CHL1: variants seen among roughly 807,000 people sequenced by gnomAD.
CHL1 encodes the protein cell adhesion molecule L1 like.
In CHL1, 96 loss-of-function variants were observed where a neutral mutation model predicts 141.9. The ratio of observed to expected loss-of-function variants is 0.68; its 90% CI spans 0.57 to 0.80. The LOEUF is 0.80. Among genes scored for constraint, CHL1 ranks in the 30% least tolerant of loss-of-function variants. CHL1 has a pLI of 0.00. For missense variants in CHL1, 1,820 were observed against 1,457.2 expected (o/e 1.25, Z -4.05); for synonymous variants, 613 against 502.2 (o/e 1.22, Z -2.95).
intron 2 of CHL1, among the ~76,000 whole-genome samples, chr3:249,577 C>T (rs1422626701): frequency 6.6e-6 from 1 of 152,118 alleles, no homozygotes; most frequent in Non-Finnish European, 1.5e-5. Context: ...GCTTAAGTAA[C>T]TTATTTGCAA....
intron 3 of CHL1, among the ~76,000 whole-genome samples, chr3:322,257 C>T (rs1240196404): frequency 6.6e-6 from 1 of 151,612 alleles, no homozygotes; most frequent in East Asian, 1.9e-4. Context: ...ATATCCATAA[C>T]CTGGTAAAAC....
intron 2 of CHL1, among the ~76,000 whole-genome samples, chr3:296,463 T>TA (rs1423014002): frequency 1.3e-5 from 2 of 151,508 alleles, no homozygotes; most frequent in African/African-American, 4.9e-5. Flanking sequence ...TAATCACTTC[T>TA]TTATTATTTG....
chr3:391,288 G>A, intron 22 of CHL1, 129 bp downstream of exon 22: 1 of 706,232 alleles, frequency 1.4e-6, no homozygotes. Context: ...GGCCAAGGCA[G>A]ATGGATCACT....
At chr3:261,855 T>C (rs1353331377) in intron 2 of CHL1, among the ~76,000 whole-genome samples, 2 of 152,080 alleles carry the variant, frequency 1.3e-5, no homozygotes, top group African/African-American at 4.8e-5. Context: ...AATTGAACAA[T>C]ATATGTTCTT....
intron 27 of CHL1, 59 bp downstream of exon 27, chr3:401,757 T>C: frequency 1.0e-6 from 1 of 1,001,896 alleles, no homozygotes; most frequent in Non-Finnish European, 1.5e-6. Context: ...AAAGCTTAAG[T>C]GAACAAAAAG....
chr3:276,403 T>C (rs151062217), intron 2 of CHL1, among the ~76,000 whole-genome samples: 1 of 152,332 alleles, frequency 6.6e-6, no homozygotes, highest in Admixed American at 6.5e-5. Flanking sequence ...CTGCAGAGTT[T>C]AGCCTGTTTG....
intron 3 of CHL1, among the ~76,000 whole-genome samples, chr3:323,758 G>T (rs28433560): frequency 6.6e-6 from 1 of 152,024 alleles, no homozygotes; most frequent in Admixed American, 6.6e-5. Flanking sequence ...CTAGCCACTC[G>T]AAAGGCTGAG....
intron 2 of CHL1, among the ~76,000 whole-genome samples, chr3:272,325 T>C (rs1463537851): frequency 6.6e-6 from 1 of 152,232 alleles, no homozygotes; most frequent in African/African-American, 2.4e-5. Flanking sequence ...CCTGTCATTA[T>C]GGTATACTTT....
In CHL1 at chr3:382,548, A is replaced by C. The variant is rs773695932; in HGVS notation, c.2053A>C (p.Lys685Gln). ...WEELTRVQGKKTTVILPLAPF... is the reference protein window; with the variant it reads ...WEELTRVQGKQTTVILPLAPF... ...GGAACTGACCAGAGTCCAAGGAAAGAAAACCACAGTTATCTTACCTTTGGC... is the reference window on the plus strand; with the variant it reads ...GGAACTGACCAGAGTCCAAGGAAAGCAAACCACAGTTATCTTACCTTTGGC... Residue 685 changes from lysine to glutamine, a missense_variant, in exon 18 of 28, where the codon AAA becomes CAA. Lys to Gln is a moderately conservative substitution (Grantham distance 53). Coordinates refer to ENST00000256509, the MANE Select transcript of CHL1 (RefSeq NM_006614.4). 6.2e-7 allele frequency: 1 copy of C among 1,613,982 alleles called. No individual in the cohort carries two copies. The highest frequency in any genetic ancestry group is 8.5e-7 in the Non-Finnish European group (1 of 1,179,878).
intron 27 of CHL1, among the ~76,000 whole-genome samples, 171 bp downstream of exon 27, chr3:401,869 CTG>C (rs1709168441): frequency 6.6e-6 from 1 of 152,168 alleles, no homozygotes; most frequent in East Asian, 1.9e-4. Context: ...AACCAAATTT[CTG>C]TGTGTGTGAT....
At chr3:297,609 G>C (rs950966619) in intron 2 of CHL1, among the ~76,000 whole-genome samples, 1 of 152,152 alleles carries the variant, frequency 6.6e-6, no homozygotes, top group Non-Finnish European at 1.5e-5. Context: ...ACCGTGAAGA[G>C]AGAACAAAGC....
At chr3:387,194 T>C (rs1372202550) in intron 19 of CHL1, among the ~76,000 whole-genome samples, 1 of 152,208 alleles carries the variant, frequency 6.6e-6, no homozygotes, top group Non-Finnish European at 1.5e-5. Flanking sequence ...CAAAAAGTCA[T>C]ACTAACAATA....
intron 1 of CHL1, among the ~76,000 whole-genome samples, chr3:241,173 A>G (rs1448285488): frequency 2.6e-5 from 4 of 152,152 alleles, no homozygotes; most frequent in Non-Finnish European, 5.9e-5. Context: ...TGGAGTTTCA[A>G]ATTACTTATG....
intron 2 of CHL1, among the ~76,000 whole-genome samples, chr3:246,263 A>G (rs1693163880): frequency 6.6e-6 from 1 of 152,134 alleles, no homozygotes; most frequent in South Asian, 2.1e-4. Flanking sequence ...ATGATGATGT[A>G]TTAATAATTA....
chr3:312,355 A>G (rs1433468340), intron 2 of CHL1, among the ~76,000 whole-genome samples: 1 of 152,216 alleles, frequency 6.6e-6, no homozygotes, highest in African/African-American at 2.4e-5. Context: ...AGAGTGTTTG[A>G]ATGGATATGG....
At chr3:384,755 A>G (rs936238148) in intron 19 of CHL1, 1 of 152,224 alleles carries the variant, frequency 6.6e-6, no homozygotes, top group African/African-American at 2.4e-5. Context: ...GTAAACATAG[A>G]ACATTTTTAA....
At chr3:351,537 T>G (rs1703256559) in intron 10 of CHL1, among the ~76,000 whole-genome samples, 1 of 152,160 alleles carries the variant, frequency 6.6e-6, no homozygotes, top group Non-Finnish European at 1.5e-5. Flanking sequence ...TTTTTCTGCC[T>G]TCCTGCACCC....
At position 390,963 on chromosome 3, in the gene CHL1, G is replaced by C. The variant is rs1708175289; in HGVS notation, c.2595G>C (p.Trp865Cys). The change falls in exon 22 of 28, where the codon TGG becomes TGC. Residue 865 changes from tryptophan (W) to cysteine (C), a missense_variant. Physicochemically the swap from Trp to Cys is radical, Grantham distance 215. Coordinates refer to ENST00000256509, the MANE Select transcript of CHL1 (RefSeq NM_006614.4). ...HGRLKGYQINWWKTKSLLDGR... is the reference protein window; with the variant it reads ...HGRLKGYQINCWKTKSLLDGR... ...TTTGGTTTTCATTGCAGATAAATTG[G>C]TGGAAAACAAAAAGTCTGTTGGATG... 6.2e-7 allele frequency: 1 copy of C among 1,613,538 alleles called. No homozygotes were observed. The highest frequency in any genetic ancestry group is 2.2e-5 in the East Asian group (1 of 44,858).
At chr3:223,825 T>G (rs1244962993) in intron 1 of CHL1, among the ~76,000 whole-genome samples, 1 of 152,096 alleles carries the variant, frequency 6.6e-6, no homozygotes, top group Non-Finnish European at 1.5e-5. Context: ...GCTGATAGGT[T>G]GGGGCAGGGA....
Sources: allele counts gnomAD v4.1 joint callset (sites outside exome capture counted in the v4.1 genomes callset), GRCh38; gene constraint gnomAD v4.1.1; transcripts MANE v1.5; gene names NCBI Gene and HGNC (gene_info 2026-07-23, HGNC 2026-07-21).